The following SEMA5A variants were observed in gnomAD, a reference collection of about 807,000 sequenced individuals.
SEMA5A encodes semaphorin 5A, also known as semaphorin-5A.
In SEMA5A, 55 loss-of-function variants were observed where a neutral mutation model predicts 135.5. The observed-to-expected ratio is 0.41, with a 90% confidence interval of 0.33 to 0.51. The LOEUF (loss-of-function observed/expected upper bound fraction) is 0.51. SEMA5A is among the 20% of genes least tolerant of loss of function. The pLI, the probability that SEMA5A is intolerant of heterozygous loss-of-function variation, is 0.37. For synonymous variants in SEMA5A, 580 were observed against 546.5 expected (o/e 1.06, Z -0.85); for missense variants, 1,290 against 1,419.9 (o/e 0.91, Z 1.47).
At chr5:9,455,093 T>A (rs1320453770) in intron 1 of SEMA5A, among the ~76,000 whole-genome samples, 2 of 152,126 alleles carry the variant, frequency 1.3e-5, no homozygotes, top group African/African-American at 2.4e-5. Context: ...CAAATAGGAT[T>A]CAGGTACCAG....
chr5:9,368,484 G>A (rs139297234), intron 3 of SEMA5A, among the ~76,000 whole-genome samples: 2 of 152,252 alleles, frequency 1.3e-5, no homozygotes, highest in Admixed American at 1.3e-4. Flanking sequence ...TATAAAACCT[G>A]TCACCACCTC....
At chr5:9,071,313 G>T (rs1420547746) in intron 16 of SEMA5A, among the ~76,000 whole-genome samples, 1 of 152,066 alleles carries the variant, frequency 6.6e-6, no homozygotes, top group Non-Finnish European at 1.5e-5. Context: ...CATCTTAATT[G>T]CCTCTTCTAA....
intron 1 of SEMA5A, among the ~76,000 whole-genome samples, chr5:9,501,852 T>C (rs1300735380): frequency 6.6e-6 from 1 of 152,198 alleles, no homozygotes; most frequent in Non-Finnish European, 1.5e-5. Context: ...GGTTTTCCCA[T>C]AGGTGCAGCT....
intron 3 of SEMA5A, among the ~76,000 whole-genome samples, chr5:9,355,310 T>A (rs1019395987): frequency 6.6e-6 from 1 of 152,134 alleles, no homozygotes; most frequent in African/African-American, 2.4e-5. Context: ...CTGCGTGGCA[T>A]TTTTTAAAAA....
chr5:9,067,679 G>T (rs535999335), intron 16 of SEMA5A, among the ~76,000 whole-genome samples: 1 of 152,126 alleles, frequency 6.6e-6, no homozygotes, highest in African/African-American at 2.4e-5. Context: ...ACTTGAGTTT[G>T]GGTCCTTTTG....
chr5:9,373,798 G>A (rs928571768), intron 3 of SEMA5A, among the ~76,000 whole-genome samples: 22 of 152,158 alleles, frequency 1.4e-4, no homozygotes, highest in African/African-American at 5.1e-4. Flanking sequence ...CACATCACTG[G>A]TGGTCTTTCT....
intron 4 of SEMA5A, among the ~76,000 whole-genome samples, chr5:9,321,404 A>T (rs1752622701): frequency 6.6e-6 from 1 of 151,958 alleles, no homozygotes. Context: ...CATATTTCCC[A>T]CTGTCTTTCT....
chr5:9,212,762 A>G (rs1401780381), intron 8 of SEMA5A, among the ~76,000 whole-genome samples: 1 of 152,200 alleles, frequency 6.6e-6, no homozygotes, highest in Non-Finnish European at 1.5e-5. Context: ...ATCCTCATCT[A>G]TGTTTCAGAC....
At chr5:9,401,381 G>T (rs1357527276) in intron 2 of SEMA5A, among the ~76,000 whole-genome samples, 1 of 152,160 alleles carries the variant, frequency 6.6e-6, no homozygotes, top group Non-Finnish European at 1.5e-5. Flanking sequence ...TTCCCATGGT[G>T]TCCACCCTTA....
intron 1 of SEMA5A, among the ~76,000 whole-genome samples, chr5:9,521,770 TCCTAATAAAGCACGCGCTC>T (rs1266054519): frequency 6.6e-6 from 1 of 152,170 alleles, no homozygotes; most frequent in Admixed American, 6.6e-5. Flanking sequence ...GAGAGAGCTT[TCCTAATAAAGCACGCGCTC>T]CCTGCAGCCG....
chr5:9,460,886 A>C (rs1561271686), intron 1 of SEMA5A, among the ~76,000 whole-genome samples: 1 of 152,216 alleles, frequency 6.6e-6, no homozygotes, highest in Non-Finnish European at 1.5e-5. Context: ...TTATTACCTT[A>C]AGACTTAAAT....
At chr5:9,083,154 T>C (rs921931790) in intron 16 of SEMA5A, among the ~76,000 whole-genome samples, 50 of 152,356 alleles carry the variant, frequency 3.3e-4, no homozygotes, top group Middle Eastern at 3.4e-3. Flanking sequence ...CCTGTGACAT[T>C]TCATTTCATT....
chr5:9,473,599 G>A (rs561263451), intron 1 of SEMA5A, among the ~76,000 whole-genome samples: 1 of 151,778 alleles, frequency 6.6e-6, no homozygotes, highest in Admixed American at 6.6e-5. Context: ...AGGAAGGAGA[G>A]AGAGGAGGAA....
Position 9,318,511 on chromosome 5 carries a change from T to G in SEMA5A, c.225-94A>C, listed in dbSNP as rs982231593. 6.4e-5 allele frequency: 69 copies of G among 1,071,990 alleles called. No individual in the cohort carries two copies. The African/African-American group carries it at 1.0e-3, about 16-fold the overall frequency. 66.4% of individuals were successfully genotyped at this position (1,071,990 alleles called of 1,614,324 possible). On this transcript the variant is annotated intron_variant, in intron 4 of 22. Coordinates refer to ENST00000382496, the MANE Select transcript of SEMA5A (RefSeq NM_003966.3). Reference sequence around the variant, plus strand: ...TTCAAGAACAAAGAAAATAATAATTTTGACTTCAAAAGCATCTTCTTTCTA... The same window carrying G: ...TTCAAGAACAAAGAAAATAATAATTGTGACTTCAAAAGCATCTTCTTTCTA...
chr5:9,108,256 G>A lies in SEMA5A; in HGVS notation c.1957C>T (p.His653Tyr). ...GGACCCCAGCCTGTCCAGAACATGT[G>A]TGGGGGACATAGCAAATGTTCATTG... ...YCNEHLLCPP[H>Y]MFWTGWGPWE... The change falls in exon 16 of 23, where the codon CAC becomes TAC. Residue 653 changes from histidine (H) to tyrosine (Y), a missense_variant. Coordinates refer to ENST00000382496, the MANE Select transcript of SEMA5A (RefSeq NM_003966.3). The A allele has an allele frequency of 6.2e-7, 1 of 1,614,186 alleles. No individual in the cohort carries two copies. The highest frequency in any genetic ancestry group is 8.5e-7 in the Non-Finnish European group (1 of 1,180,034).
chr5:9,520,631 T>G (rs1736775896), intron 1 of SEMA5A, among the ~76,000 whole-genome samples: 1 of 152,182 alleles, frequency 6.6e-6, no homozygotes, highest in Non-Finnish European at 1.5e-5. Context: ...TCAAAGTCAG[T>G]GGCATCACTG....
intron 2 of SEMA5A, among the ~76,000 whole-genome samples, chr5:9,388,518 A>C (rs1412180310): frequency 6.6e-6 from 1 of 152,122 alleles, no homozygotes; most frequent in African/African-American, 2.4e-5. Flanking sequence ...ATGGGCTTTC[A>C]AGGCAATGTA....
At chr5:9,538,734 A>C (rs1213567592) in intron 1 of SEMA5A, among the ~76,000 whole-genome samples, 2 of 152,226 alleles carry the variant, frequency 1.3e-5, no homozygotes, top group Non-Finnish European at 2.9e-5. Context: ...TTCATAACAG[A>C]GATCACAGCT....
chr5:9,465,828 T>G (rs1290201534), intron 1 of SEMA5A, among the ~76,000 whole-genome samples: 2 of 152,190 alleles, frequency 1.3e-5, no homozygotes, highest in Non-Finnish European at 2.9e-5. Context: ...TTTACTGTTT[T>G]GGGTCCTTGG....
Sources: allele counts gnomAD v4.1 joint callset (sites outside exome capture counted in the v4.1 genomes callset), GRCh38; gene constraint gnomAD v4.1.1; transcripts MANE v1.5; gene names NCBI Gene and HGNC (gene_info 2026-07-23, HGNC 2026-07-21).